The following GALNTL6 variants were observed in gnomAD, a reference collection of about 807,000 sequenced individuals.
GALNTL6 encodes polypeptide N-acetylgalactosaminyltransferase-like 6.
Under a neutral mutation model 73.7 loss-of-function variants are expected in GALNTL6, and 46 were observed. That is an observed-to-expected ratio of 0.62 (90% CI 0.49 to 0.80). The LOEUF (loss-of-function observed/expected upper bound fraction) is 0.80, where lower values mean the gene tolerates loss of function less well. Ranked by LOEUF, GALNTL6 falls within the 30% of genes least tolerant of loss-of-function variation. The probability of loss-of-function intolerance (pLI) is 0.00; values close to 1 mark genes in which losing one functional copy is unlikely to be tolerated. For synonymous variants in GALNTL6, 259 were observed against 263.7 expected (o/e 0.98, Z 0.17); for missense variants, 604 against 755.0 (o/e 0.80, Z 2.34).
chr4:172,562,602 AAATTCACTCAAACCCTTATCC>A (rs1736414486), intron 5 of GALNTL6, among the ~76,000 whole-genome samples: 1 of 152,196 alleles, frequency 6.6e-6, no homozygotes, highest in South Asian at 2.1e-4. Context: ...AAGCTGTGCT[AAATTCACTCAAACCCTTATCC>A]CGGCCTCTTC....
chr4:172,854,529 T>G (rs776721036), intron 7 of GALNTL6, among the ~76,000 whole-genome samples: 1 of 152,146 alleles, frequency 6.6e-6, no homozygotes. Flanking sequence ...TGCTGTATGC[T>G]CTCCTGACAG....
intron 3 of GALNTL6, among the ~76,000 whole-genome samples, chr4:172,302,661 T>TA (rs751103113): frequency 7.9e-5 from 12 of 152,198 alleles, no homozygotes; most frequent in Non-Finnish European, 1.3e-4. Flanking sequence ...CTCTGTTTTC[T>TA]AAAAAATTTG....
intron 2 of GALNTL6, among the ~76,000 whole-genome samples, chr4:172,035,290 C>T (rs142479835): frequency 1.3e-5 from 2 of 152,088 alleles, no homozygotes; most frequent in East Asian, 3.9e-4. Flanking sequence ...AAAATGTAGG[C>T]AGGACAAAGT....
intron 3 of GALNTL6, among the ~76,000 whole-genome samples, chr4:172,294,602 G>T (rs527342911): frequency 1.9e-3 from 282 of 152,054 alleles, no homozygotes; most frequent in Admixed American, 3.0e-3. Context: ...AAATTCTGTA[G>T]TACATAAATT....
intron 5 of GALNTL6, among the ~76,000 whole-genome samples, chr4:172,428,951 A>C (rs1013207464): frequency 9.9e-5 from 15 of 152,120 alleles, no homozygotes; most frequent in East Asian, 3.9e-4. Flanking sequence ...TATTTCTCAC[A>C]GTTCTGGAAC....
intron 2 of GALNTL6, among the ~76,000 whole-genome samples, chr4:171,926,131 C>T (rs996476000): frequency 2.0e-5 from 3 of 151,556 alleles, no homozygotes; most frequent in African/African-American, 7.3e-5. Flanking sequence ...CCTTCTCATC[C>T]CTCCTCAATT....
Position 172,395,614 on chromosome 4 carries a change from G to T in GALNTL6, c.553+46925G>T, listed in dbSNP as rs563786110. 6.6e-5 allele frequency among the ~76,000 whole-genome samples: 10 copies of T among 152,130 alleles called. No individual in the cohort carries two copies. The South Asian group carries it at 2.1e-3, about 32-fold the overall frequency. On this transcript the variant is annotated intron_variant, in intron 5 of 12. Coordinates refer to ENST00000506823, the MANE Select transcript of GALNTL6 (RefSeq NM_001034845.3). ...TGAGATATCAGACCTTTGACGAAAGGATTGACCATGTATATTGTGTTATCT... is the reference window on the plus strand; with the variant it reads ...TGAGATATCAGACCTTTGACGAAAGTATTGACCATGTATATTGTGTTATCT...
intron 5 of GALNTL6, among the ~76,000 whole-genome samples, chr4:172,498,121 G>A (rs1367244889): frequency 1.3e-5 from 2 of 151,278 alleles, no homozygotes; most frequent in Non-Finnish European, 1.5e-5. Flanking sequence ...CTCCTGAGTA[G>A]CTGGGACTAC....
chr4:172,872,193 T>G (rs1314996701), intron 7 of GALNTL6, among the ~76,000 whole-genome samples: 5 of 152,144 alleles, frequency 3.3e-5, no homozygotes, highest in Admixed American at 6.5e-5. Context: ...AGAAGTAGAG[T>G]TTTGATTACA....
chr4:172,839,225 G>A (rs921192246), intron 7 of GALNTL6, among the ~76,000 whole-genome samples: 10 of 152,212 alleles, frequency 6.6e-5, no homozygotes, highest in Non-Finnish European at 1.2e-4. Flanking sequence ...AGCAGTTACC[G>A]AAGGCTGCCA....
At chr4:172,245,050 A>G (rs1218527807) in intron 3 of GALNTL6, among the ~76,000 whole-genome samples, 1 of 152,184 alleles carries the variant, frequency 6.6e-6, no homozygotes, top group Non-Finnish European at 1.5e-5. Flanking sequence ...GCAAGAATCA[A>G]GACGAAAAAG....
chr4:172,172,011 C>T lies in GALNTL6; in HGVS notation c.139-57645C>T, dbSNP rs528032130. Reference sequence around the variant, plus strand: ...CAAAGCAGCCAGTATGTCTGTAGGTCTAGTTTTATGGGCAGAGCTGTATCC... The same window carrying T: ...CAAAGCAGCCAGTATGTCTGTAGGTTTAGTTTTATGGGCAGAGCTGTATCC... On this transcript the variant is annotated intron_variant, in intron 2 of 12. Coordinates refer to ENST00000506823, the MANE Select transcript of GALNTL6 (RefSeq NM_001034845.3). Among the ~76,000 whole-genome samples the T allele has an allele frequency of 1.3e-4, 20 of 152,242 alleles. No homozygotes were observed. In the South Asian group the frequency reaches 4.1e-3, roughly 32 times the overall value.
chr4:172,595,646 A>G (rs919306775), intron 5 of GALNTL6, among the ~76,000 whole-genome samples: 1 of 152,230 alleles, frequency 6.6e-6, no homozygotes, highest in East Asian at 1.9e-4. Context: ...AAATTCACAA[A>G]TGCCTTCGGT....
chr4:172,244,366 A>T (rs1737552955), intron 3 of GALNTL6, among the ~76,000 whole-genome samples: 1 of 152,166 alleles, frequency 6.6e-6, no homozygotes, highest in Non-Finnish European at 1.5e-5. Flanking sequence ...AGCAGTGTAG[A>T]AATATCTCAG....
intron 5 of GALNTL6, among the ~76,000 whole-genome samples, chr4:172,797,425 A>G (rs1740337463): frequency 6.6e-6 from 1 of 151,780 alleles, no homozygotes; most frequent in African/African-American, 2.4e-5. Flanking sequence ...TTTGTATTTT[A>G]GTAGAGACAG....
chr4:171,818,641 G>A (rs914460503), intron 2 of GALNTL6, among the ~76,000 whole-genome samples: 12 of 147,354 alleles, frequency 8.1e-5, no homozygotes, highest in Admixed American at 2.0e-4. Flanking sequence ...TTATTTATTT[G>A]AATTTCAGAA....
chr4:172,389,349 G>A (rs1162829258), intron 5 of GALNTL6, among the ~76,000 whole-genome samples: 1 of 151,584 alleles, frequency 6.6e-6, no homozygotes, highest in Non-Finnish European at 1.5e-5. Flanking sequence ...ATTGATGTAG[G>A]AAAAAAAAGT....
chr4:173,003,900 T>C (rs1201940541), intron 10 of GALNTL6, among the ~76,000 whole-genome samples: 1 of 152,210 alleles, frequency 6.6e-6, no homozygotes, highest in East Asian at 1.9e-4. Flanking sequence ...TTTAGTCTCT[T>C]AAGAAGATGT....
intron 4 of GALNTL6, among the ~76,000 whole-genome samples, chr4:172,318,878 A>G (rs901201490): frequency 6.6e-6 from 1 of 152,192 alleles, no homozygotes; most frequent in African/African-American, 2.4e-5. Flanking sequence ...TTGAATATCA[A>G]AGAACAGCCT....
Sources: gnomAD v4.1 joint callset for allele counts (sites outside exome capture counted in the v4.1 genomes callset) on GRCh38, gnomAD v4.1.1 for gene constraint, MANE v1.5 for transcripts, NCBI Gene and HGNC (gene_info 2026-07-23, HGNC 2026-07-21) for gene names.